CTNNA3: variants seen among roughly 807,000 people sequenced by gnomAD.
CTNNA3 encodes catenin alpha 3, also known as catenin alpha-3.
CTNNA3 carries 76 observed loss-of-function variants against 95.7 expected under a neutral mutation model. That is an observed-to-expected ratio of 0.79 (90% CI 0.66 to 0.96). The LOEUF (loss-of-function observed/expected upper bound fraction) is 0.96, where lower values mean the gene tolerates loss of function less well. Ranked by LOEUF, CTNNA3 falls within the 40% of genes least tolerant of loss-of-function variation. CTNNA3 has a pLI of 0.00. For synonymous variants in CTNNA3, 431 were observed against 374.4 expected (o/e 1.15, Z -1.74); for missense variants, 1,191 against 1,089.8 (o/e 1.09, Z -1.31).
chr10:66,094,244 G>A (rs1031440962), intron 14 of CTNNA3, among the ~76,000 whole-genome samples: 2 of 152,020 alleles, frequency 1.3e-5, no homozygotes, highest in African/African-American at 4.8e-5. Flanking sequence ...TAAGACCTGA[G>A]ATTTCTGCAC....
At chr10:67,605,961 G>T (rs1344042808) in intron 3 of CTNNA3, among the ~76,000 whole-genome samples, 1 of 152,280 alleles carries the variant, frequency 6.6e-6, no homozygotes, top group South Asian at 2.1e-4. Context: ...ATGGGCCACC[G>T]CACTCGGCCA....
chr10:67,039,730 T>C (rs890689071), intron 7 of CTNNA3, among the ~76,000 whole-genome samples: 3 of 152,114 alleles, frequency 2.0e-5, no homozygotes, highest in African/African-American at 7.2e-5. Flanking sequence ...AAAATGCACC[T>C]GCAAAATCGA....
At chr10:67,103,525 C>T (rs1858459630) in intron 7 of CTNNA3, among the ~76,000 whole-genome samples, 1 of 151,716 alleles carries the variant, frequency 6.6e-6, no homozygotes, top group African/African-American at 2.4e-5. Context: ...ATGCCCTCCT[C>T]TCATTTTTAA....
intron 7 of CTNNA3, among the ~76,000 whole-genome samples, chr10:67,084,064 C>T (rs1378712048): frequency 1.3e-5 from 2 of 152,046 alleles, no homozygotes; most frequent in Non-Finnish European, 2.9e-5. Flanking sequence ...GGATCAGGAG[C>T]TCCAGTGTTT....
At chr10:66,580,357 A>G (rs1843144928) in intron 10 of CTNNA3, among the ~76,000 whole-genome samples, 2 of 151,888 alleles carry the variant, frequency 1.3e-5, no homozygotes, top group Middle Eastern at 3.4e-3. Flanking sequence ...CATACAATGT[A>G]TAATAAAATC....
At chr10:66,718,067 T>C (rs939075787) in intron 9 of CTNNA3, among the ~76,000 whole-genome samples, 3 of 152,058 alleles carry the variant, frequency 2.0e-5, no homozygotes, top group Non-Finnish European at 2.9e-5. Context: ...TACAGCTACA[T>C]TGGCACCAAA....
At chr10:66,926,529 C>CT in intron 7 of CTNNA3, 1 of 1,604,724 alleles carries the variant, frequency 6.2e-7, no homozygotes. Flanking sequence ...TGTCATGCAA[C>CT]TGGCCCCTAA....
rs183220815 is a variant in CTNNA3, at chr10:67,712,623, C to T, written c.-2+50811G>A. On this transcript the variant is annotated intron_variant, in intron 1 of 17. Coordinates refer to the CTNNA3 transcript ENST00000684154. ...TTGGCAGCTTCCACATGGTGTTGAG[C>T]CTGCAAGTGCAGAGAAGTCAAGAAT... Among the ~76,000 whole-genome samples, 572 of 152,266 alleles carry T rather than the reference C, an allele frequency of 3.8e-3. 4 individuals carry two copies. The highest frequency in any genetic ancestry group is 0.013 in the African/African-American group (521 of 41,560).
intron 12 of CTNNA3, among the ~76,000 whole-genome samples, chr10:66,337,783 C>T (rs940457846): frequency 7.2e-5 from 11 of 151,878 alleles, no homozygotes; most frequent in Admixed American, 7.2e-4. Context: ...AATGAAGAAA[C>T]CTTATACATC....
chr10:66,569,703 A>G (rs958909340), intron 10 of CTNNA3, among the ~76,000 whole-genome samples: 3 of 152,052 alleles, frequency 2.0e-5, no homozygotes, highest in Non-Finnish European at 4.4e-5. Context: ...GACCTCAAAT[A>G]TATCAGCTTG....
chr10:67,667,867 A>G (rs1840359443), intron 1 of CTNNA3, among the ~76,000 whole-genome samples: 1 of 152,200 alleles, frequency 6.6e-6, no homozygotes, highest in African/African-American at 2.4e-5. Flanking sequence ...GTAATATAAA[A>G]TAGATACCTG....
intron 10 of CTNNA3, among the ~76,000 whole-genome samples, chr10:66,614,120 T>C (rs1241440251): frequency 2.6e-5 from 4 of 152,090 alleles, no homozygotes; most frequent in South Asian, 2.1e-4. Flanking sequence ...CAAGTTGCTG[T>C]TTTTACAAAA....
chr10:66,861,796 T>G (rs1361063534), intron 7 of CTNNA3, among the ~76,000 whole-genome samples: 1 of 152,226 alleles, frequency 6.6e-6, no homozygotes, highest in East Asian at 1.9e-4. Context: ...CATCACTCAC[T>G]GATTCACCAA....
intron 5 of CTNNA3, among the ~76,000 whole-genome samples, chr10:67,284,542 A>T (rs1370768924): frequency 6.6e-6 from 1 of 152,206 alleles, no homozygotes; most frequent in Admixed American, 6.6e-5. Context: ...GTAAAAAAAA[A>T]TTAATGTTTT....
At chr10:67,055,468 T>C (rs1855366705) in intron 7 of CTNNA3, among the ~76,000 whole-genome samples, 1 of 152,116 alleles carries the variant, frequency 6.6e-6, no homozygotes, top group African/African-American at 2.4e-5. Flanking sequence ...TAGGTAGGTG[T>C]TGTTTTAACC....
intron 7 of CTNNA3, among the ~76,000 whole-genome samples, chr10:67,000,808 G>A (rs1463398946): frequency 1.3e-5 from 2 of 152,108 alleles, no homozygotes; most frequent in African/African-American, 4.8e-5. Context: ...AGAGAAGAAT[G>A]CCAGTGCAAT....
At chr10:66,827,371 T>G (rs768278152) in intron 7 of CTNNA3, among the ~76,000 whole-genome samples, 2 of 152,212 alleles carry the variant, frequency 1.3e-5, no homozygotes, top group Non-Finnish European at 2.9e-5. Flanking sequence ...CTTTCTCTCA[T>G]GCCCTGCACA....
chr10:67,654,028 T>C (rs938258488), intron 1 of CTNNA3, among the ~76,000 whole-genome samples: 2 of 152,042 alleles, frequency 1.3e-5, no homozygotes, highest in Non-Finnish European at 2.9e-5. Context: ...GAGTGCAGAT[T>C]GAGTTTGGGT....
At chr10:66,364,175 A>T (rs919111938) in intron 12 of CTNNA3, among the ~76,000 whole-genome samples, 2 of 149,480 alleles carry the variant, frequency 1.3e-5, no homozygotes, top group African/African-American at 2.4e-5. Context: ...ATATATATAT[A>T]ATATATATAT....
Sources: allele counts gnomAD v4.1 joint callset (sites outside exome capture counted in the v4.1 genomes callset), GRCh38; gene constraint gnomAD v4.1.1; transcripts MANE v1.5; gene names NCBI Gene and HGNC (gene_info 2026-07-23, HGNC 2026-07-21).